Variants in RHCE observed in about 807,000 individuals in gnomAD.
The protein encoded by RHCE is Rh blood group CcEe antigens, also known as blood group Rh(CE) polypeptide.
RHCE carries 22 observed loss-of-function variants against 43.8 expected under a neutral mutation model. That is an observed-to-expected ratio of 0.50 (90% CI 0.36 to 0.72). The LOEUF is 0.72. Ranked by LOEUF, RHCE falls within the 30% of genes least tolerant of loss-of-function variation. The probability of loss-of-function intolerance (pLI) is 0.00; values close to 1 mark genes in which losing one functional copy is unlikely to be tolerated. For missense variants in RHCE, 385 were observed against 525.4 expected, an observed-to-expected ratio of 0.73 and a Z score of 2.61; for synonymous variants, 156 against 210.7, an observed-to-expected ratio of 0.74 and a Z score of 2.25.
chr1:25,429,152 G>A (rs747798652), intron 1 of RHCE: 2 of 151,962 alleles, frequency 1.3e-5, no homozygotes, highest in Admixed American at 6.5e-5. Flanking sequence ...TTAAGGGAGG[G>A]GTGATTACAG....
In RHCE at chr1:25,370,511, C is replaced by T. The variant is rs367825256; in HGVS notation, c.1183G>A (p.Ala395Thr). ...GLLLNLKIWK[A>T]PHVAKYFDDQ... ...TCAAAATATTTAGCCACATGAGGTG[C>T]TTTCCATATTTTGAGATTTAGGAGC... Residue 395 changes from alanine (A) to threonine (T), a missense_variant, in exon 9 of 10, where the codon GCA becomes ACA. Coordinates refer to ENST00000294413, the MANE Select transcript of RHCE (RefSeq NM_020485.8). The T allele has an allele frequency of 6.8e-5, 109 of 1,612,380 alleles. No individual in the cohort carries two copies. The highest frequency in any genetic ancestry group is 8.9e-5 in the Non-Finnish European group (105 of 1,179,284).
At chr1:25,428,602 T>C (rs1228949060) in intron 2 of RHCE, among the ~76,000 whole-genome samples, 2 of 152,244 alleles carry the variant, frequency 1.3e-5, no homozygotes, top group Admixed American at 6.5e-5. Flanking sequence ...TTCTGTTACC[T>C]ACTGCTTGTC....
At chr1:25,414,243 G>GCAGCTGCCTCCTCCGGT (rs1647209683) in intron 1 of RHCE, among the ~76,000 whole-genome samples, 1 of 151,830 alleles carries the variant, frequency 6.6e-6, no homozygotes, top group Admixed American at 6.6e-5. Context: ...ATCCCCTTGG[G>GCAGCTGCCTCCTCCGGT]CAGCTGCCTC....
At chr1:25,420,362 C>T (rs1007664321) in intron 1 of RHCE, among the ~76,000 whole-genome samples, 21 of 152,064 alleles carry the variant, frequency 1.4e-4, no homozygotes, top group African/African-American at 5.1e-4. Context: ...TTATGAAGAC[C>T]ATTTGGTAGA....
chr1:25,429,301 C>T (rs1347843294), intron 1 of RHCE, among the ~76,000 whole-genome samples: 6 of 148,706 alleles, frequency 4.0e-5, no homozygotes, highest in Non-Finnish European at 8.9e-5. Context: ...TACAGGTGCC[C>T]GCCACCATGC....
At chr1:25,369,615 T>C (rs1349751174) in intron 9 of RHCE, among the ~76,000 whole-genome samples, 1 of 151,506 alleles carries the variant, frequency 6.6e-6, no homozygotes, top group Non-Finnish European at 1.5e-5. Flanking sequence ...TTGAACTTTA[T>C]GTCCCTTTGC....
intron 3 of RHCE, 147 bp from the exon 4 acceptor site, chr1:25,392,288 C>G: frequency 2.2e-6 from 3 of 1,370,168 alleles, no homozygotes; most frequent in Non-Finnish European, 3.1e-6. Flanking sequence ...CCCAGCCCAA[C>G]CCAGCAGGCT....
intron 6 of RHCE, among the ~76,000 whole-genome samples, chr1:25,386,955 C>T (rs1242117104): frequency 2.0e-5 from 3 of 152,126 alleles, no homozygotes; most frequent in African/African-American, 7.2e-5. Flanking sequence ...CACTTGAACC[C>T]AGGAGGTGGA....
chr1:25,401,939 C>T (rs193265418), intron 3 of RHCE, among the ~76,000 whole-genome samples: 181 of 152,120 alleles, frequency 1.2e-3, no homozygotes, highest in Non-Finnish European at 1.8e-3. Context: ...TGCAATGGCG[C>T]GATCTCAGTT....
chr1:25,428,511 T>G (rs969209054), intron 2 of RHCE, among the ~76,000 whole-genome samples: 3 of 152,236 alleles, frequency 2.0e-5, no homozygotes, highest in African/African-American at 7.2e-5. Context: ...TTTGTTTTCT[T>G]GGCCACCCGG....
intron 1 of RHCE, among the ~76,000 whole-genome samples, chr1:25,417,505 A>T (rs1005822079): frequency 1.3e-5 from 2 of 152,352 alleles, no homozygotes; most frequent in East Asian, 3.9e-4. Context: ...TTCGAGATTT[A>T]AAAAATGTCG....
At chr1:25,408,103 C>T (rs577451677) in intron 2 of RHCE, among the ~76,000 whole-genome samples, 1 of 122,136 alleles carries the variant, frequency 8.2e-6, no homozygotes, top group African/African-American at 2.5e-5. Flanking sequence ...GCCTGACCAA[C>T]ACAGAGAAAC....
At chr1:25,393,882 G>A (rs1282681052) in intron 3 of RHCE, among the ~76,000 whole-genome samples, 5 of 152,136 alleles carry the variant, frequency 3.3e-5, no homozygotes, top group African/African-American at 9.7e-5. Flanking sequence ...GGGCAGGATG[G>A]AGGGAGTAGT....
At chr1:25,416,250 G>C (rs1647417752) in intron 1 of RHCE, among the ~76,000 whole-genome samples, 2 of 151,952 alleles carry the variant, frequency 1.3e-5, no homozygotes, top group East Asian at 3.9e-4. Context: ...AGGGTTTTAT[G>C]TTTTATTTAT....
chr1:25,418,637 A>G (rs34670389), intron 1 of RHCE, among the ~76,000 whole-genome samples: 2,811 of 152,280 alleles, frequency 0.018, 91 homozygotes, highest in African/African-American at 0.065. Flanking sequence ...GGGCAATGCA[A>G]TGTTAAGCCC....
chr1:25,388,068 C>T (rs554156189), intron 6 of RHCE, among the ~76,000 whole-genome samples: 161 of 151,802 alleles, frequency 1.1e-3, no homozygotes, highest in Non-Finnish European at 1.9e-3. Context: ...ATCTGCCCGC[C>T]TCGGCCTCCC....
rs577558235 is a variant in RHCE, at chr1:25,379,650, G to A, written c.1074-4222C>T. 5.6e-5 allele frequency among the ~76,000 whole-genome samples: 8 copies of A among 142,112 alleles called. No homozygotes were observed. In the South Asian group the frequency reaches 1.6e-3, roughly 28 times the overall value. 93.2% of individuals were successfully genotyped at this position (142,112 alleles called of 152,430 possible). On this transcript the variant is annotated intron_variant, in intron 7 of 9. Transcript: ENST00000294413. The stretch of plus-strand genomic sequence containing the variant: ...CTCCTGAGTAGCTAGGACTACAGAC[G>A]TGTGCCACCATCTCCAGCTACGTTT...
chr1:25,419,950 G>A (rs923646127), intron 1 of RHCE, among the ~76,000 whole-genome samples: 52 of 146,648 alleles, frequency 3.5e-4, no homozygotes, highest in Non-Finnish European at 7.1e-4. Context: ...GACTGAGGCT[G>A]GAGGATCGCT....
Position 25,420,685 on chromosome 1 carries a change from A to G in RHCE, c.102T>C (p.Tyr34=), listed in dbSNP as rs767659031. The G allele has an allele frequency of 2.5e-6, 4 of 1,613,754 alleles. No homozygotes were observed. The highest frequency in any genetic ancestry group is 2.2e-5 in the East Asian group (1 of 44,862). ...LILLFYFFTH[Y]DASLEDQKGL... ...CCTTTTGATCCTCTAAGGAAGCGTC[A>G]TAGTGGGTAAAAAAATAGAAGAGGA... Residue 34 remains tyrosine (Y), a synonymous_variant, in exon 1 of 10, where the codon TAT becomes TAC. Transcript: ENST00000294413.
Sources: allele counts gnomAD v4.1 joint callset (sites outside exome capture counted in the v4.1 genomes callset), GRCh38; gene constraint gnomAD v4.1.1; transcripts MANE v1.5; gene names NCBI Gene and HGNC (gene_info 2026-07-23, HGNC 2026-07-21).